COG5: variants seen among roughly 807,000 people sequenced by gnomAD.
The protein encoded by COG5 is component of oligomeric golgi complex 5.
In COG5, 86 loss-of-function variants were observed where a neutral mutation model predicts 110.4. The observed-to-expected ratio is 0.78, with a 90% CI of 0.65 to 0.93. COG5 has a LOEUF of 0.93. COG5 is among the 40% of genes least tolerant of loss of function. The pLI, the probability that COG5 is intolerant of heterozygous loss-of-function variation, is 0.00. For synonymous variants in COG5, 360 were observed against 334.6 expected (o/e 1.08, Z -0.83); for missense variants, 1,077 against 987.0 (o/e 1.09, Z -1.22).
At chr7:107,330,451 T>C (rs996163595) in intron 10 of COG5, among the ~76,000 whole-genome samples, 3 of 152,236 alleles carry the variant, frequency 2.0e-5, no homozygotes, top group Non-Finnish European at 4.4e-5. Flanking sequence ...TAATTAAATG[T>C]ATACAGAGAA....
rs538800749 is a variant in COG5 at position 107,316,805 on chromosome 7, G to A, written c.1108+7635C>T. ...GGAGATGCACCACTGCACTCCAGCC[G>A]GGGGGACACAGTGAGACTCTGTCTC... On this transcript the variant is annotated intron_variant, in intron 11 of 21. Transcript: ENST00000297135. Among the ~76,000 whole-genome samples the A allele has an allele frequency of 2.1e-3, 321 of 151,700 alleles. 2 individuals carry two copies. Among genetic ancestry groups the A allele is most frequent in the South Asian group, 0.012 (57 of 4,782 alleles).
At chr7:107,491,807 T>C (rs973578532) in intron 6 of COG5, among the ~76,000 whole-genome samples, 4 of 152,132 alleles carry the variant, frequency 2.6e-5, no homozygotes, top group Non-Finnish European at 4.4e-5. Context: ...CTCACTGTAC[T>C]AAAATCTTGA....
At chr7:107,485,466 G>A (rs1014910024) in intron 6 of COG5, among the ~76,000 whole-genome samples, 6 of 151,964 alleles carry the variant, frequency 3.9e-5, no homozygotes, top group African/African-American at 1.2e-4. Context: ...TTCTTCTATG[G>A]GTACTATTTA....
At chr7:107,423,082 C>A (rs1175096873) in intron 6 of COG5, among the ~76,000 whole-genome samples, 1 of 146,234 alleles carries the variant, frequency 6.8e-6, no homozygotes, top group African/African-American at 2.5e-5. Flanking sequence ...TTGTGATAAG[C>A]CTTAATCTTT....
At chr7:107,490,317 A>G (rs1199337640) in intron 6 of COG5, among the ~76,000 whole-genome samples, 1 of 152,170 alleles carries the variant, frequency 6.6e-6, no homozygotes, top group African/African-American at 2.4e-5. Flanking sequence ...GGCACATGCC[A>G]CGGTGTCTTG....
chr7:107,426,232 T>C (rs1793634512), intron 6 of COG5, among the ~76,000 whole-genome samples: 1 of 152,192 alleles, frequency 6.6e-6, no homozygotes, highest in African/African-American at 2.4e-5. Flanking sequence ...GACACTGTTA[T>C]AAGAACCTGT....
chr7:107,553,224 C>A (rs79295036), intron 3 of COG5, among the ~76,000 whole-genome samples: 19,676 of 151,918 alleles, frequency 0.13, 1,522 homozygotes, highest in Non-Finnish European at 0.17. Flanking sequence ...ACACATATAC[C>A]CCCCCGGATC....
Position 107,474,002 on chromosome 7 carries a change from A to G in COG5, c.538+53235T>C. ...CGTTATACGTCATTTAAATTGCCAA[A>G]TATCAAATAGTTTATTCTATTTCAC... On this transcript the variant is annotated intron_variant, in intron 6 of 21. Coordinates refer to ENST00000297135, the MANE Select transcript of COG5 (RefSeq NM_006348.5). The surrounding 1 kb of genome is among the most constrained non-coding windows in gnomAD (Gnocchi z 5.7). The G allele has an allele frequency of 1.2e-6, 1 of 860,074 alleles. No homozygotes were observed. The allele number at this position is 860,074 out of a possible 1,614,324, so 53.3% of individuals were successfully genotyped here. A position where few individuals can be genotyped will look rare whatever the true frequency, so the allele number is the denominator to read the frequency against.
intron 5 of COG5, among the ~76,000 whole-genome samples, 178 bp from the exon 6 acceptor site, chr7:107,527,535 C>T (rs1800864041): frequency 6.6e-6 from 1 of 152,176 alleles, no homozygotes; most frequent in African/African-American, 2.4e-5. Context: ...AACACAGTGG[C>T]TCACATTGTG....
intron 8 of COG5, among the ~76,000 whole-genome samples, chr7:107,363,033 T>A (rs76512661): frequency 1.3e-5 from 2 of 152,106 alleles, no homozygotes; most frequent in Non-Finnish European, 2.9e-5. Context: ...GGATGTGGTA[T>A]TGAAGTAGTA....
intron 6 of COG5, among the ~76,000 whole-genome samples, chr7:107,488,503 T>G (rs1797785662): frequency 6.6e-6 from 1 of 151,968 alleles, no homozygotes; most frequent in Non-Finnish European, 1.5e-5. Flanking sequence ...TTGAAGAAAG[T>G]GAAAAAGATG....
intron 8 of COG5, among the ~76,000 whole-genome samples, chr7:107,369,384 C>CTTTTTT (rs567770114): frequency 1.1e-4 from 11 of 103,138 alleles, no homozygotes; most frequent in Non-Finnish European, 1.5e-4. Flanking sequence ...AACAAAAATT[C>CTTTTTT]TTTTTTTTTT....
intron 6 of COG5, among the ~76,000 whole-genome samples, chr7:107,510,535 G>C (rs1799419031): frequency 6.6e-6 from 1 of 152,160 alleles, no homozygotes; most frequent in African/African-American, 2.4e-5. Context: ...ACTCAGCTCT[G>C]CACCAAGCGG....
chr7:107,557,569 T>G (rs958813296), intron 2 of COG5, among the ~76,000 whole-genome samples: 1 of 152,246 alleles, frequency 6.6e-6, no homozygotes, highest in Admixed American at 6.5e-5. Context: ...ATAACATTTA[T>G]CAACTTTCTG....
chr7:107,398,325 G>A (rs999796450), intron 7 of COG5, among the ~76,000 whole-genome samples: 19 of 152,172 alleles, frequency 1.2e-4, no homozygotes, highest in Non-Finnish European at 8.8e-5. Flanking sequence ...CAACGCCCCT[G>A]GGCTGCTGAC....
At chr7:107,489,854 C>T (rs920062626) in intron 6 of COG5, among the ~76,000 whole-genome samples, 2 of 151,952 alleles carry the variant, frequency 1.3e-5, no homozygotes, top group African/African-American at 4.8e-5. Context: ...CTGTGTGATC[C>T]GGGAACGCTA....
In COG5 at chr7:107,300,329, T is replaced by TGA. The variant is rs1807153774; in HGVS notation, c.1109-1985_1109-1984dup. On this transcript the variant is annotated intron_variant, in intron 11 of 21. Coordinates refer to ENST00000297135, the MANE Select transcript of COG5 (RefSeq NM_006348.5). Reference sequence around the variant, plus strand: ...ATCCTAGAGGTTCTGGCCAGTGCAATGAGGCCTAAGTAAATAAGTAAATAA... The same window carrying TGA: ...ATCCTAGAGGTTCTGGCCAGTGCAATGAGAGGCCTAAGTAAATAAGTAAATAA... Among the ~76,000 whole-genome samples the TGA allele has an allele frequency of 2.0e-5, 3 of 152,198 alleles. No individual in the cohort carries two copies. In the South Asian group the frequency reaches 6.2e-4, roughly 32 times the overall value.
At chr7:107,462,848 A>G (rs76059264) in intron 6 of COG5, among the ~76,000 whole-genome samples, 1 of 152,228 alleles carries the variant, frequency 6.6e-6, no homozygotes, top group Non-Finnish European at 1.5e-5. Context: ...ACTGGCAACT[A>G]TAATTTGTTT....
chr7:107,338,481 A>G (rs1379515755), intron 10 of COG5, among the ~76,000 whole-genome samples: 1 of 152,144 alleles, frequency 6.6e-6, no homozygotes, highest in East Asian at 1.9e-4. Context: ...CTTACCTTAT[A>G]CCATACATAA....
Sources: gnomAD v4.1 joint callset for allele counts (sites outside exome capture counted in the v4.1 genomes callset) on GRCh38, gnomAD v4.1.1 for gene constraint, Gnocchi (gnomAD v3.1) non-coding constraint, MANE v1.5 for transcripts, NCBI Gene and HGNC (gene_info 2026-07-23, HGNC 2026-07-21) for gene names.